The following ATF3 variants were observed in gnomAD, a reference collection of about 807,000 sequenced individuals.
The protein encoded by ATF3 is activating transcription factor 3, also known as cyclic AMP-dependent transcription factor ATF-3.
ATF3 carries 10 observed loss-of-function variants against 18.4 expected under a neutral mutation model. The observed-to-expected ratio is 0.54, with a 90% CI of 0.34 to 0.92. ATF3 has a LOEUF of 0.92. Among genes scored for constraint, ATF3 ranks in the 40% least tolerant of loss-of-function variants. The pLI is 0.02. For synonymous variants in ATF3, 78 were observed against 87.9 expected, an observed-to-expected ratio of 0.89 and a Z score of 0.63; for missense variants, 183 against 222.3, an observed-to-expected ratio of 0.82 and a Z score of 1.12.
In ATF3 at chr1:212,586,451, G is replaced by A. The variant is rs115115270; in HGVS notation, c.-5+20968G>A. 2.7e-3 allele frequency among the ~76,000 whole-genome samples: 416 copies of A among 152,306 alleles called. 2 individuals carry two copies. Among genetic ancestry groups the A allele is most frequent in the African/African-American group, 9.6e-3 (399 of 41,568 alleles). Reference sequence around the variant, plus strand: ...GTTAATGACGTAGCAGTGACTCCATGGGGCATCTTCAGCACCAAGAGCAAT... The same window carrying A: ...GTTAATGACGTAGCAGTGACTCCATAGGGCATCTTCAGCACCAAGAGCAAT... On this transcript the variant is annotated intron_variant, in intron 1 of 3. Transcript: ENST00000366981.
chr1:212,619,653 C>T lies in ATF3; in HGVS notation c.*98C>T. On this transcript the variant is annotated 3_prime_UTR_variant, in exon 4 of 4. Coordinates refer to ENST00000341491, the MANE Select transcript of ATF3 (RefSeq NM_001674.4). The surrounding 1 kb of genome is among the most constrained non-coding windows in gnomAD (Gnocchi z 4.4). ...TGGAGAGCTGTCTTCCTGTGTACCT[C>T]TAGAATCCCAGCAGCAGAGAACCAT... 6.7e-7 allele frequency: 1 copy of T among 1,500,228 alleles called. No homozygotes were observed. The highest frequency in any genetic ancestry group is 1.2e-5 in the South Asian group (1 of 83,308). The allele number at this position is 1,500,228 out of a possible 1,614,324, so 92.9% of individuals were successfully genotyped here.
At chr1:212,602,461 A>C (rs1654510106) in intron 1 of ATF3, among the ~76,000 whole-genome samples, 1 of 152,140 alleles carries the variant, frequency 6.6e-6, no homozygotes, top group Non-Finnish European at 1.5e-5. Context: ...CATCCATCAA[A>C]GGAGGGCCCT....
At position 212,618,957 on chromosome 1, in the gene ATF3, A is replaced by G. The variant is rs999797158; in HGVS notation, c.349-401A>G. On this transcript the variant is annotated intron_variant, in intron 3 of 3. Transcript: ENST00000341491. This position sits in a 1 kb window ranked among gnomAD's most constrained non-coding sequence, Gnocchi z 4.4. ...AAATTAGGGAATTTTGTGTGTTGCT[A>G]TATACATTTTTTCTGGGGAGATGAG... 4.6e-6 allele frequency: 7 copies of G among 1,524,272 alleles called. No individual in the cohort carries two copies. In the Admixed American group the frequency reaches 1.0e-4, roughly 22 times the overall value. 94.4% of individuals were successfully genotyped at this position (1,524,272 alleles called of 1,614,324 possible).
At chr1:212,582,144 T>C (rs544716328) in intron 1 of ATF3, among the ~76,000 whole-genome samples, 5 of 152,312 alleles carry the variant, frequency 3.3e-5, no homozygotes, top group Admixed American at 3.3e-4. Context: ...GAATTTTTAG[T>C]GTACTATATC....
intron 1 of ATF3, among the ~76,000 whole-genome samples, chr1:212,593,740 CT>C (rs201061307): frequency 1.4e-5 from 1 of 71,896 alleles, no homozygotes; most frequent in Non-Finnish European, 2.4e-5. Flanking sequence ...GACCCTGTCT[CT>C]TTAAAAAAAA....
Position 212,619,514 on chromosome 1 carries a change from C to T in ATF3, c.505C>T (p.Leu169Phe). 1.9e-6 allele frequency: 3 copies of T among 1,614,192 alleles called. No individual in the cohort carries two copies. In the South Asian group the frequency reaches 3.3e-5, roughly 18 times the overall value. The change falls in exon 4 of 4, where the codon CTC becomes TTC. Residue 169 changes from leucine to phenylalanine, a missense_variant. Transcript: ENST00000341491. This position sits in a 1 kb window ranked among gnomAD's most constrained non-coding sequence, Gnocchi z 4.4. ...GAGGACTCCAGAAGATGAGAGAAAC[C>T]TCTTTATCCAACAGATAAAAGAAGG... The part of the protein sequence containing the change: ...NGRTPEDERN[L>F]FIQQIKEGTL...
intron 1 of ATF3, among the ~76,000 whole-genome samples, chr1:212,580,289 T>A (rs1664659270): frequency 6.6e-6 from 1 of 152,226 alleles, no homozygotes; most frequent in African/African-American, 2.4e-5. Context: ...GGAGGAAGAA[T>A]GCTTTCATTT....
intron 1 of ATF3, among the ~76,000 whole-genome samples, chr1:212,565,903 G>C (rs1233211554): frequency 6.6e-6 from 1 of 152,160 alleles, no homozygotes. Context: ...GAAGCCATTG[G>C]AGTTGGTTAA....
At position 212,594,175 on chromosome 1, in the gene ATF3, T is replaced by C. The variant is rs1664946077; in HGVS notation, c.-4-20843T>C. 2.6e-5 allele frequency among the ~76,000 whole-genome samples: 4 copies of C among 152,090 alleles called. No homozygotes were observed. In the South Asian group the frequency reaches 8.3e-4, roughly 32 times the overall value. On this transcript the variant is annotated intron_variant, in intron 1 of 3. Coordinates refer to the ATF3 transcript ENST00000366981. ...CCTCCAGTTCGGGGCTCGGTGGAGC[T>C]GACGAGCAGCTGGCCAGCAGCCCCT...
chr1:212,619,170 T>G lies in ATF3; in HGVS notation c.349-188T>G. 6.2e-7 allele frequency: 1 copy of G among 1,613,480 alleles called. No individual in the cohort carries two copies. Among genetic ancestry groups the G allele is most frequent in the Non-Finnish European group, 8.5e-7 (1 of 1,179,984 alleles). ...GCCGCCTCTGTGGCATCACCAGGGT[T>G]TCTCTGAAGAAGAGGGTCTGCATTT... On this transcript the variant is annotated intron_variant, in intron 3 of 3. Coordinates refer to ENST00000341491, the MANE Select transcript of ATF3 (RefSeq NM_001674.4). This position sits in a 1 kb window ranked among gnomAD's most constrained non-coding sequence, Gnocchi z 4.4.
chr1:212,592,471 A>T (rs1664906229), intron 1 of ATF3, among the ~76,000 whole-genome samples: 1 of 119,350 alleles, frequency 8.4e-6, no homozygotes, highest in Non-Finnish European at 1.8e-5. Flanking sequence ...GGATCCTAAC[A>T]AGGTCCACAC....
At chr1:212,571,157 C>T (rs1664472615) in intron 1 of ATF3, among the ~76,000 whole-genome samples, 1 of 152,196 alleles carries the variant, frequency 6.6e-6, no homozygotes. Flanking sequence ...TTTAGCCATT[C>T]TGTTGGGTGT....
At chr1:212,604,958 C>T (rs1344129712), upstream of ATF3, among the ~76,000 whole-genome samples, 2 of 152,136 alleles carry the variant, frequency 1.3e-5, no homozygotes, top group Non-Finnish European at 2.9e-5. Context: ...TCTGCCTGGG[C>T]TCTCACTCCC....
chr1:212,592,454 A>G (rs1664906098), intron 1 of ATF3, among the ~76,000 whole-genome samples: 1 of 152,058 alleles, frequency 6.6e-6, no homozygotes, highest in Non-Finnish European at 1.5e-5. Context: ...ACAGTTAGAC[A>G]GAATCAGGAT....
chr1:212,609,467 A>C lies in ATF3; in HGVS notation c.-5+537A>C, dbSNP rs183363821. Among the ~76,000 whole-genome samples, 526 of 150,876 alleles carry C rather than the reference A, an allele frequency of 3.5e-3. 4 individuals carry two copies. Among genetic ancestry groups the C allele is most frequent in the African/African-American group, 0.012 (498 of 40,964 alleles). On this transcript the variant is annotated intron_variant, in intron 1 of 3. Transcript: ENST00000341491. ...GAGGAATGAATGGGGAAGGGGCGAG[A>C]GGGCGGGAGGCGTCCCGGGCGCGGC...
intron 1 of ATF3, among the ~76,000 whole-genome samples, chr1:212,581,496 C>T (rs1050629527): frequency 2.4e-4 from 36 of 152,082 alleles, no homozygotes; most frequent in African/African-American, 7.7e-4. Context: ...TTGTTGATGA[C>T]GTTGTTTGTG....
intron 1 of ATF3, among the ~76,000 whole-genome samples, chr1:212,575,364 T>C (rs1285831632): frequency 2.0e-5 from 3 of 152,106 alleles, no homozygotes; most frequent in Non-Finnish European, 4.4e-5. Flanking sequence ...CTATTAAGAA[T>C]GCTATTGATT....
chr1:212,609,140 T>C (rs541269115), intron 1 of ATF3, among the ~76,000 whole-genome samples: 36 of 152,360 alleles, frequency 2.4e-4, no homozygotes, highest in Middle Eastern at 3.4e-3. Flanking sequence ...GCGAAAGAAC[T>C]AACTTTCTCT....
chr1:212,616,517 C>G (rs11571547), intron 2 of ATF3, among the ~76,000 whole-genome samples: 9,325 of 152,072 alleles, frequency 0.061, 480 homozygotes, highest in African/African-American at 0.14. Context: ...AGGCTGGTCT[C>G]GAACTCCTGA....
Sources: allele counts gnomAD v4.1 joint callset (sites outside exome capture counted in the v4.1 genomes callset), GRCh38; gene constraint gnomAD v4.1.1; non-coding constraint Gnocchi (gnomAD v3.1); transcripts MANE v1.5; gene names NCBI Gene and HGNC (gene_info 2026-07-23, HGNC 2026-07-21).